Variants in NDRG4 observed in about 807,000 individuals in gnomAD.
The protein encoded by NDRG4 is NDRG family member 4, also known as protein NDRG4.
Under a neutral mutation model 55.8 loss-of-function variants are expected in NDRG4, and 38 were observed. That is an observed-to-expected ratio of 0.68 (90% CI 0.53 to 0.89). The LOEUF is 0.89. Among genes scored for constraint, NDRG4 ranks in the 40% least tolerant of loss-of-function variants. The pLI is 0.00. For missense variants in NDRG4, 455 were observed against 468.6 expected (o/e 0.97, Z 0.27); for synonymous variants, 190 against 182.7 (o/e 1.04, Z -0.32).
Position 58,511,903 on chromosome 16 carries a change from G to A in NDRG4, c.*327G>A, listed in dbSNP as rs1352485667. 2.0e-5 allele frequency: 9 copies of A among 452,340 alleles called. No homozygotes were observed. The Admixed American group carries it at 2.3e-4, about 12-fold the overall frequency. 28.0% of individuals were successfully genotyped at this position (452,340 alleles called of 1,614,324 possible). The stretch of plus-strand genomic sequence containing the variant: ...AGGCCATTCCTGGGTGAGCCCTTGG[G>A]CAGGCATGTTTGGAGATGAGAGAGG... On this transcript the variant is annotated 3_prime_UTR_variant, in exon 15 of 15. Coordinates refer to ENST00000570248, the MANE Select transcript of NDRG4 (RefSeq NM_001242835.2).
chr16:58,499,327 T>G (rs995085985), upstream of NDRG4: 1 of 152,412 alleles, frequency 6.6e-6, no homozygotes, highest in African/African-American at 2.4e-5. Flanking sequence ...AGCTGCCTCC[T>G]AGCCCCGCTT....
intron 1 of NDRG4, among the ~76,000 whole-genome samples, chr16:58,502,840 CT>C (rs1296472489): frequency 1.3e-5 from 2 of 152,224 alleles, no homozygotes; most frequent in African/African-American, 4.8e-5. Context: ...CAGATGGCCC[CT>C]CTTGAAGTTT....
chr16:58,487,983 T>G (rs2035312018), intron 2 of NDRG4: 1 of 612,482 alleles, frequency 1.6e-6, no homozygotes, highest in Non-Finnish European at 2.5e-6. Context: ...TCCCTGCCTG[T>G]GGGGGGAGTT....
intron 1 of NDRG4, among the ~76,000 whole-genome samples, chr16:58,484,883 C>CTTTT (rs572251728): frequency 1.0e-4 from 14 of 133,868 alleles, no homozygotes; most frequent in African/African-American, 2.3e-4. Flanking sequence ...TCATAACTTA[C>CTTTT]TTTTTTTTTT....
chr16:58,508,556 T>A (rs1309028317), intron 10 of NDRG4, among the ~76,000 whole-genome samples: 2 of 152,114 alleles, frequency 1.3e-5, no homozygotes, highest in Admixed American at 6.5e-5. Flanking sequence ...GGCTTTCCCA[T>A]GCCCACTGGG....
Position 58,477,159 on chromosome 16 carries a change from G to A in NDRG4, c.-23-10597G>A, listed in dbSNP as rs190852289. 3.4e-4 allele frequency among the ~76,000 whole-genome samples: 51 copies of A among 150,688 alleles called. No homozygotes were observed. The East Asian group carries it at 8.2e-3, about 24-fold the overall frequency. ...ATATATATGTGTGATATATATATAT[G>A]TGATATATATATATATATGTATGTG... is the stretch of plus-strand genomic sequence containing the variant. On this transcript the variant is annotated intron_variant, in intron 1 of 15. Coordinates refer to the NDRG4 transcript ENST00000258187.
chr16:58,491,096 G>T (rs534760455), intron 2 of NDRG4, among the ~76,000 whole-genome samples: 1 of 152,094 alleles, frequency 6.6e-6, no homozygotes, highest in Non-Finnish European at 1.5e-5. Context: ...GACCAACATG[G>T]TGAAACCCTG....
chr16:58,505,522 T>G lies in NDRG4; in HGVS notation c.373-865T>G, dbSNP rs372472402. Among the ~76,000 whole-genome samples, 8 of 151,934 alleles carry G rather than the reference T, an allele frequency of 5.3e-5. No individual in the cohort carries two copies. The East Asian group carries it at 1.4e-3, about 26-fold the overall frequency. On this transcript the variant is annotated intron_variant, in intron 5 of 14. Transcript: ENST00000570248. ...AGAATTTTCAACTCCAGTTGCAATGTCAGCACTTAATCATTTTGTTAACTG... is the reference window on the plus strand; with the variant it reads ...AGAATTTTCAACTCCAGTTGCAATGGCAGCACTTAATCATTTTGTTAACTG...
At chr16:58,504,328 C>T (rs370989821) in intron 3 of NDRG4, 31 bp from the exon 4 acceptor site, 7 of 1,613,842 alleles carry the variant, frequency 4.3e-6, no homozygotes, top group Middle Eastern at 1.6e-4. Flanking sequence ...TGAGGCCACA[C>T]CTGGGCCCTG....
At chr16:58,514,620 T>C (rs1270019627), downstream of NDRG4, among the ~76,000 whole-genome samples, 1 of 151,836 alleles carries the variant, frequency 6.6e-6, no homozygotes, top group Non-Finnish European at 1.5e-5. Flanking sequence ...CGTACGCCTG[T>C]AGTCCCAGCT....
chr16:58,500,314 T>G, intron 1 of NDRG4, 45 bp downstream of exon 1: 6 of 1,532,500 alleles, frequency 3.9e-6, no homozygotes, highest in Non-Finnish European at 5.2e-6. Flanking sequence ...GGGAGGATGG[T>G]GCATCCTTAT....
intron 1 of NDRG4, chr16:58,501,301 G>A (rs948824353): frequency 1.8e-5 from 7 of 383,872 alleles, no homozygotes; most frequent in Non-Finnish European, 3.2e-5. Flanking sequence ...CTCCCACACC[G>A]GCGCAAAGCC....
chr16:58,500,567 A>C, intron 1 of NDRG4: 1 of 547,758 alleles, frequency 1.8e-6, no homozygotes, highest in Non-Finnish European at 3.2e-6. Flanking sequence ...GCACTGTCTG[A>C]CTTGGCTGCA....
At chr16:58,465,163 A>G in intron 1 of NDRG4, 1 of 1,246,118 alleles carries the variant, frequency 8.0e-7, no homozygotes, top group Non-Finnish European at 1.1e-6. Flanking sequence ...AGGAAAGGAA[A>G]GCAACCCGGT....
At chr16:58,488,777 C>T (rs2035429213) in intron 2 of NDRG4, among the ~76,000 whole-genome samples, 1 of 152,178 alleles carries the variant, frequency 6.6e-6, no homozygotes, top group South Asian at 2.1e-4. Flanking sequence ...AGGAAGAGTA[C>T]AGTGTTATCT....
chr16:58,485,031 A>G (rs532056703), intron 1 of NDRG4, among the ~76,000 whole-genome samples: 1 of 151,488 alleles, frequency 6.6e-6, no homozygotes, highest in South Asian at 2.1e-4. Context: ...ACAGGCACCC[A>G]CCACCATGCC....
In NDRG4 at chr16:58,483,367, TA is replaced by T. The variant is rs35447648; in HGVS notation, c.-23-4379del. ...GGAGCTGAGTGCTCCTGTTTGCCTT[TA>T]AAAAAAAAAGAAGAAGGAGAAAAGG... On this transcript the variant is annotated intron_variant, in intron 1 of 15. Transcript: ENST00000258187. Among the ~76,000 whole-genome samples, 35 of 147,326 alleles carry T rather than the reference TA, an allele frequency of 2.4e-4. No individual in the cohort carries two copies. In the East Asian group the frequency reaches 4.1e-3, roughly 17 times the overall value.
At chr16:58,484,963 G>C (rs2034916089) in intron 1 of NDRG4, among the ~76,000 whole-genome samples, 1 of 149,064 alleles carries the variant, frequency 6.7e-6, no homozygotes, top group Non-Finnish European at 1.5e-5. Flanking sequence ...CTCACTGCAA[G>C]CTCTGCCTCC....
chr16:58,478,057 C>G (rs956758896), intron 1 of NDRG4, among the ~76,000 whole-genome samples: 1 of 152,098 alleles, frequency 6.6e-6, no homozygotes, highest in East Asian at 1.9e-4. Flanking sequence ...AAACCCAAAG[C>G]GAGGACATTC....
Sources: allele counts gnomAD v4.1 joint callset (sites outside exome capture counted in the v4.1 genomes callset), GRCh38; gene constraint gnomAD v4.1.1; transcripts MANE v1.5; gene names NCBI Gene and HGNC (gene_info 2026-07-23, HGNC 2026-07-21).